Variants in ASTN1 observed in about 807,000 individuals in gnomAD.
ASTN1 encodes astrotactin-1.
ASTN1 carries 41 observed loss-of-function variants against 140.7 expected under a neutral mutation model. That is an observed-to-expected ratio of 0.29 (90% CI 0.23 to 0.38). ASTN1 has a LOEUF of 0.38. Among genes scored for constraint, ASTN1 ranks in the 10% least tolerant of loss-of-function variants. ASTN1 has a pLI of 1.00. For synonymous variants in ASTN1, 640 were observed against 652.2 expected (o/e 0.98, Z 0.29); for missense variants, 1,479 against 1,678.8 (o/e 0.88, Z 2.08).
intron 22 of ASTN1, among the ~76,000 whole-genome samples, chr1:176,864,969 G>A (rs1489747361): frequency 6.6e-6 from 1 of 152,158 alleles, no homozygotes; most frequent in Non-Finnish European, 1.5e-5. Flanking sequence ...GAACTGAAAA[G>A]GATATTAGAT....
chr1:176,900,614 A>C (rs1401068598), intron 16 of ASTN1, among the ~76,000 whole-genome samples: 3 of 152,180 alleles, frequency 2.0e-5, no homozygotes, highest in Non-Finnish European at 2.9e-5. Flanking sequence ...TTGATCTCTG[A>C]CCTTACCAGT....
intron 1 of ASTN1, among the ~76,000 whole-genome samples, chr1:177,123,645 A>C (rs1218040596): frequency 6.6e-6 from 1 of 152,150 alleles, no homozygotes; most frequent in Non-Finnish European, 1.5e-5. Context: ...CCAGTGGGCT[A>C]CTGGGTGGCC....
chr1:176,971,861 T>C (rs1188055357), intron 8 of ASTN1, among the ~76,000 whole-genome samples: 2 of 152,194 alleles, frequency 1.3e-5, no homozygotes, highest in Non-Finnish European at 2.9e-5. Flanking sequence ...TTGAATTATA[T>C]GACCTCAGAT....
Position 176,949,246 on chromosome 1 carries a change from G to C in ASTN1, c.1993C>G (p.Leu665Val), listed in dbSNP as rs1187927015. The C allele has an allele frequency of 6.2e-7, 1 of 1,614,004 alleles. No individual in the cohort carries two copies. The highest frequency in any genetic ancestry group is 2.2e-5 in the East Asian group (1 of 44,886). Residue 665 changes from leucine (L) to valine (V), a missense_variant, in exon 12 of 23, where the codon CTC becomes GTC. Around this residue, in one of 3 missense-constraint regions of ASTN1, gnomAD observed 4 missense variants for 17.4 expected, o/e 0.23. Coordinates refer to ENST00000361833, the MANE Select transcript of ASTN1 (RefSeq NM_004319.3). ...TCCGGGAAGGGCGCCATCTGCTGGA[G>C]GCACAGCTGCTCACAGCCGCCGTTG... ...GFNGGCEQLC[L>V]QQMAPFPDDP... is the part of the protein sequence containing the mutation.
intron 16 of ASTN1, among the ~76,000 whole-genome samples, chr1:176,918,477 A>AGG (rs1670587910): frequency 6.6e-6 from 1 of 152,024 alleles, no homozygotes; most frequent in Non-Finnish European, 1.5e-5. Context: ...GTTCCATCTC[A>AGG]TTGGCTCTGA....
At position 176,894,780 on chromosome 1, in the gene ASTN1, G is replaced by A. The variant is rs750775434; in HGVS notation, c.2722C>T (p.Leu908=). 2 of 1,614,048 alleles carry A rather than the reference G, an allele frequency of 1.2e-6. No homozygotes were observed. Among genetic ancestry groups the A allele is most frequent in the Non-Finnish European group, 1.7e-6 (2 of 1,180,058 alleles). The change falls in exon 17 of 23, where the codon CTG becomes TTG. Residue 908 remains leucine (L), a synonymous_variant. Transcript: ENST00000361833. ...SEERERDPKV[L]TFPEYITSLS... is the part of the protein sequence containing the mutation. ...CTGGTGATGTATTCTGGGAATGTCA[G>A]CACCTTGGGGTCTCTTTCCCGCTCC...
At chr1:177,055,428 T>G (rs79482974) in intron 2 of ASTN1, among the ~76,000 whole-genome samples, 1 of 152,350 alleles carries the variant, frequency 6.6e-6, no homozygotes, top group African/African-American at 2.4e-5. Flanking sequence ...CCCTGGCATC[T>G]CCAGGCTTTT....
chr1:177,003,689 G>A (rs2101918258), intron 8 of ASTN1, among the ~76,000 whole-genome samples: 1 of 152,062 alleles, frequency 6.6e-6, no homozygotes, highest in East Asian at 1.9e-4. Flanking sequence ...GCAGGTACCT[G>A]TACTCCCAGC....
At chr1:177,101,288 A>AT (rs1680289218) in intron 1 of ASTN1, among the ~76,000 whole-genome samples, 1 of 152,152 alleles carries the variant, frequency 6.6e-6, no homozygotes, top group Non-Finnish European at 1.5e-5. Context: ...AAATAGACCC[A>AT]AACTGGAAAC....
chr1:176,881,348 G>A (rs551433953), intron 20 of ASTN1, among the ~76,000 whole-genome samples: 2 of 152,280 alleles, frequency 1.3e-5, no homozygotes, highest in East Asian at 1.9e-4. Flanking sequence ...GATCAGAAAC[G>A]CAGCCAATCA....
intron 21 of ASTN1, 128 bp from the exon 22 acceptor site, chr1:176,869,155 GTATATA>G: frequency 1.7e-6 from 1 of 583,976 alleles, no homozygotes; most frequent in Non-Finnish European, 2.6e-6. Context: ...CATTTATAAT[GTATATA>G]TAATATGCAT....
At chr1:177,085,451 G>A (rs1483500241) in intron 1 of ASTN1, among the ~76,000 whole-genome samples, 1 of 152,148 alleles carries the variant, frequency 6.6e-6, no homozygotes, top group Non-Finnish European at 1.5e-5. Context: ...AAGGATTCAT[G>A]TTTTTATCTC....
At chr1:176,970,017 G>A (rs927667970) in intron 8 of ASTN1, among the ~76,000 whole-genome samples, 9 of 152,322 alleles carry the variant, frequency 5.9e-5, no homozygotes, top group East Asian at 3.9e-4. Context: ...ATGGAAACGC[G>A]TATGCTGAGA....
chr1:177,129,951 C>G (rs563910497), intron 1 of ASTN1, among the ~76,000 whole-genome samples: 1 of 151,920 alleles, frequency 6.6e-6, no homozygotes, highest in Admixed American at 6.5e-5. Flanking sequence ...TGGGCAACAG[C>G]GAGACTCCAT....
intron 1 of ASTN1, among the ~76,000 whole-genome samples, chr1:177,110,102 C>T (rs768977179): frequency 9.9e-5 from 15 of 152,096 alleles, no homozygotes; most frequent in Non-Finnish European, 1.3e-4. Flanking sequence ...TTCTTTCTCA[C>T]GGAAGTGTGA....
intron 16 of ASTN1, among the ~76,000 whole-genome samples, chr1:176,895,106 G>C (rs948261814): frequency 2.6e-5 from 4 of 152,178 alleles, no homozygotes; most frequent in Non-Finnish European, 4.4e-5. Flanking sequence ...GCTCCATGCT[G>C]ATGACCCTCA....
intron 1 of ASTN1, among the ~76,000 whole-genome samples, chr1:177,124,585 T>A (rs1476167746): frequency 6.6e-6 from 1 of 152,184 alleles, no homozygotes; most frequent in Admixed American, 6.5e-5. Context: ...CTGATGTATA[T>A]CGCCTGAAGC....
chr1:177,032,559 C>G lies in ASTN1; in HGVS notation c.762G>C (p.Gln254His). 1 of 1,614,202 alleles carries G rather than the reference C, an allele frequency of 6.2e-7. No individual in the cohort carries two copies. The highest frequency in any genetic ancestry group is 2.2e-5 in the East Asian group (1 of 44,870). ...CCTCCCCTCCGTTCATGCACTCCCT[C>G]TGCAGATGGTGGCGCAGATCAGTGA... is the stretch of plus-strand genomic sequence containing the variant. ...YDITDLRHHL[Q>H]RECMNGGEDF... Residue 254 changes from glutamine (Q) to histidine (H), a missense_variant, in exon 3 of 23, where the codon CAG becomes CAC. By Grantham distance (24) the Gln-to-His change is conservative. This residue lies in a region of ASTN1 where 729 missense variants were observed against 860.4 expected (regional missense o/e 0.85). Transcript: ENST00000361833.
intron 16 of ASTN1, among the ~76,000 whole-genome samples, chr1:176,911,464 T>C (rs1016956172): frequency 2.0e-5 from 3 of 152,216 alleles, no homozygotes; most frequent in South Asian, 2.1e-4. Flanking sequence ...AAAACACAAA[T>C]TGCACAGCCA....
Sources: allele counts gnomAD v4.1 joint callset (sites outside exome capture counted in the v4.1 genomes callset), GRCh38; gene constraint gnomAD v4.1.1; regional missense constraint gnomAD v4.1.1; transcripts MANE v1.5; gene names NCBI Gene and HGNC (gene_info 2026-07-23, HGNC 2026-07-21).